DGKH: variants seen among roughly 807,000 people sequenced by gnomAD.
DGKH encodes the protein DAG kinase eta.
Under a neutral mutation model 159.3 loss-of-function variants are expected in DGKH, and 90 were observed. That is an observed-to-expected ratio of 0.57 (90% CI 0.48 to 0.67). The LOEUF (loss-of-function observed/expected upper bound fraction) is 0.67. Among genes scored for constraint, DGKH ranks in the 30% least tolerant of loss-of-function variants. The pLI, the probability that DGKH is intolerant of heterozygous loss-of-function variation, is 0.00. For synonymous variants in DGKH, 536 were observed against 553.8 expected (o/e 0.97, Z 0.45); for missense variants, 1,181 against 1,506.1 (o/e 0.78, Z 3.57).
rs1394362172 is a variant in DGKH at position 42,142,688 on chromosome 13, C to T, written c.385-12603C>T. 2.0e-5 allele frequency among the ~76,000 whole-genome samples: 3 copies of T among 152,078 alleles called. No individual in the cohort carries two copies. In the East Asian group the frequency reaches 5.8e-4, roughly 29 times the overall value. On this transcript the variant is annotated intron_variant, in intron 3 of 29. Coordinates refer to ENST00000337343, the MANE Select transcript of DGKH (RefSeq NM_178009.5). Reference sequence around the variant, plus strand: ...GAATGGGAGTTCACTCATGATTTGGCTCTCTGTTTGTCTGTTATTGGTGTA... The same window carrying T: ...GAATGGGAGTTCACTCATGATTTGGTTCTCTGTTTGTCTGTTATTGGTGTA...
At chr13:42,153,399 G>A (rs1955967443) in intron 3 of DGKH, among the ~76,000 whole-genome samples, 1 of 152,142 alleles carries the variant, frequency 6.6e-6, no homozygotes. Flanking sequence ...CAAAGTTAAA[G>A]AACAAAATAG....
intron 3 of DGKH, among the ~76,000 whole-genome samples, chr13:42,134,034 C>T (rs1955347129): frequency 6.6e-6 from 1 of 152,188 alleles, no homozygotes; most frequent in African/African-American, 2.4e-5. Flanking sequence ...CATCCCTCCT[C>T]TTGCTGAAGT....
chr13:42,170,800 G>C (rs1956434901), intron 11 of DGKH, among the ~76,000 whole-genome samples: 1 of 152,020 alleles, frequency 6.6e-6, no homozygotes, highest in African/African-American at 2.4e-5. Flanking sequence ...AAAATTAACT[G>C]GGCATGGTGG....
chr13:42,194,520 A>G (rs368658431), intron 16 of DGKH, among the ~76,000 whole-genome samples: 1 of 152,238 alleles, frequency 6.6e-6, no homozygotes, highest in Non-Finnish European at 1.5e-5. Context: ...TTCACTTGAT[A>G]TTTATGAGAC....
chr13:42,087,594 A>G (rs1431521702), intron 1 of DGKH, among the ~76,000 whole-genome samples: 3 of 152,224 alleles, frequency 2.0e-5, no homozygotes, highest in Admixed American at 6.5e-5. Flanking sequence ...AAGGACTCAG[A>G]TTCAACTTCT....
chr13:42,195,073 GTATT>G, intron 17 of DGKH, 57 bp downstream of exon 17: 1 of 1,581,038 alleles, frequency 6.3e-7, no homozygotes, highest in Non-Finnish European at 8.6e-7. Flanking sequence ...AAAGGTGTAA[GTATT>G]TATTTCTATT....
intron 1 of DGKH, among the ~76,000 whole-genome samples, chr13:42,112,384 C>T (rs528327646): frequency 1.4e-4 from 20 of 147,862 alleles, no homozygotes; most frequent in African/African-American, 4.7e-4. Context: ...TGGGCTCAAG[C>T]GATCCTCTGG....
rs150189046 is a variant in DGKH at position 42,187,103 on chromosome 13, C to A, written c.1593C>A (p.Asp531Glu). The A allele has an allele frequency of 8.7e-6, 14 of 1,614,092 alleles. No individual in the cohort carries two copies. The African/African-American group carries it at 1.9e-4, about 22-fold the overall frequency. ...TTGCCAAAGTAGAAAAGACGTATGA[C>A]AAAACCTTGGAAAATGCCGTTGTAG... ...DFVAKVEKTY[D>E]KTLENAVVAD... Residue 531 changes from aspartate (D) to glutamate (E), a missense_variant, in exon 14 of 30, where the codon GAC (aspartate) becomes GAA (glutamate). Asp to Glu is a conservative substitution (Grantham distance 45). Transcript: ENST00000337343.
At chr13:42,209,159 T>G (rs1957577196) in intron 22 of DGKH, 87 bp downstream of exon 22, 16 of 1,365,138 alleles carry the variant, frequency 1.2e-5, no homozygotes, top group Non-Finnish European at 1.6e-5. Flanking sequence ...ACACTGGATA[T>G]TCATCTATAA....
intron 24 of DGKH, among the ~76,000 whole-genome samples, chr13:42,211,210 G>A (rs1170480851): frequency 6.6e-6 from 1 of 152,118 alleles, no homozygotes; most frequent in Admixed American, 6.5e-5. Context: ...ACTTCAGAGG[G>A]GAGGAGGGAC....
At chr13:42,128,948 A>G (rs957002670) in intron 2 of DGKH, among the ~76,000 whole-genome samples, 2 of 152,228 alleles carry the variant, frequency 1.3e-5, no homozygotes, top group African/African-American at 4.8e-5. Context: ...CTGAATGAGT[A>G]TGAACAATGA....
Position 42,214,574 on chromosome 13 carries a change from TC to T in DGKH, c.3085del (p.His1029MetfsTer3). On this transcript the variant is annotated frameshift_variant, in exon 25 of 30. Transcript: ENST00000337343. LOFTEE classifies it high-confidence loss of function. ...QELAHAVNAC[S>X]HALNKANPRC... ...ACTGGCCCATGCTGTGAATGCCTGC[TC>T]CCATGCCCTGAATAAAGCCAACCCA... 2 of 1,613,686 alleles carry T rather than the reference TC, an allele frequency of 1.2e-6. No homozygotes were observed. Among genetic ancestry groups the T allele is most frequent in the Non-Finnish European group, 1.7e-6 (2 of 1,179,738 alleles).
chr13:42,097,724 G>T (rs1954569991), intron 1 of DGKH, among the ~76,000 whole-genome samples: 1 of 152,134 alleles, frequency 6.6e-6, no homozygotes, highest in Non-Finnish European at 1.5e-5. Context: ...TAAACCTCCA[G>T]CCTTATTCCT....
Position 42,048,708 on chromosome 13 carries a change from C to T in DGKH, c.-66C>T. 8.1e-7 allele frequency: 1 copy of T among 1,235,240 alleles called. No individual in the cohort carries two copies. The allele number at this position is 1,235,240 out of a possible 1,614,324, so 76.5% of individuals were successfully genotyped here. On this transcript the variant is annotated 5_prime_UTR_variant, in exon 1 of 30. Coordinates refer to ENST00000337343, the MANE Select transcript of DGKH (RefSeq NM_178009.5). This position sits in a 1 kb window ranked among gnomAD's most constrained non-coding sequence, Gnocchi z 6.7. Reference sequence around the variant, plus strand: ...GGTTCCGGGCTCCGCTCGGGCAGAGCCCACCCGCTGACCAACGCCGCCGCC... The same window carrying T: ...GGTTCCGGGCTCCGCTCGGGCAGAGTCCACCCGCTGACCAACGCCGCCGCC...
At chr13:42,225,143 G>A (rs1566213947) in intron 29 of DGKH, 2 of 689,174 alleles carry the variant, frequency 2.9e-6, no homozygotes, top group African/African-American at 3.8e-5. Context: ...GGCTGGTCTT[G>A]AACTCCTGGC....
At chr13:42,174,791 G>A (rs1956559471) in intron 12 of DGKH, among the ~76,000 whole-genome samples, 1 of 152,088 alleles carries the variant, frequency 6.6e-6, no homozygotes, top group African/African-American at 2.4e-5. Context: ...CTGCAGCCTT[G>A]ACCTCCTGGT....
chr13:42,061,988 G>GGGTGTGTGT (rs145261789), intron 1 of DGKH, among the ~76,000 whole-genome samples: 1 of 149,678 alleles, frequency 6.7e-6, no homozygotes, highest in Non-Finnish European at 1.5e-5. Flanking sequence ...TGTGTGTGTG[G>GGGTGTGTGT]GTGTGTGTGT....
At chr13:42,057,840 G>C (rs1347256374) in intron 1 of DGKH, among the ~76,000 whole-genome samples, 1 of 152,166 alleles carries the variant, frequency 6.6e-6, no homozygotes, top group African/African-American at 2.4e-5. Context: ...TGTGAGTGGA[G>C]GTGGAGTGGG....
rs78956390 is a variant in DGKH, at chr13:42,081,521, C to T, written c.192+32556C>T. On this transcript the variant is annotated intron_variant, in intron 1 of 29. Transcript: ENST00000337343. ...CTGAGATTACAGGTGTGAGCTACTG[C>T]GCCTGGCCTTTTTCTCCTATTTTTA... is the stretch of plus-strand genomic sequence containing the variant. Among the ~76,000 whole-genome samples, 1,123 of 152,304 alleles carry T rather than the reference C, an allele frequency of 7.4e-3. 14 individuals carry two copies. The highest frequency in any genetic ancestry group is 0.024 in the African/African-American group (1,014 of 41,564).
Sources: allele counts gnomAD v4.1 joint callset (sites outside exome capture counted in the v4.1 genomes callset), GRCh38; gene constraint gnomAD v4.1.1; non-coding constraint Gnocchi (gnomAD v3.1); transcripts MANE v1.5; gene names NCBI Gene and HGNC (gene_info 2026-07-23, HGNC 2026-07-21).